The following NDNF variants were observed in gnomAD, a reference collection of about 807,000 sequenced individuals.
The protein encoded by NDNF is protein NDNF.
NDNF carries 16 observed loss-of-function variants against 42.0 expected under a neutral mutation model. That is an observed-to-expected ratio of 0.38 (90% confidence interval 0.26 to 0.58). The LOEUF (loss-of-function observed/expected upper bound fraction) is 0.58. Ranked by LOEUF, NDNF falls within the 20% of genes least tolerant of loss-of-function variation. The pLI, the probability that NDNF is intolerant of heterozygous loss-of-function variation, is 0.67. For missense variants in NDNF, 616 were observed against 666.2 expected, an observed-to-expected ratio of 0.92 and a Z score of 0.83; for synonymous variants, 248 against 251.7, an observed-to-expected ratio of 0.99 and a Z score of 0.14.
At chr4:121,061,694 T>C (rs942664400) in intron 1 of NDNF, among the ~76,000 whole-genome samples, 2 of 152,210 alleles carry the variant, frequency 1.3e-5, no homozygotes, top group African/African-American at 4.8e-5. Flanking sequence ...ATGTAATTTT[T>C]ATTATTTATT....
At chr4:121,068,247 T>C (rs952423816) in intron 1 of NDNF, among the ~76,000 whole-genome samples, 1 of 152,182 alleles carries the variant, frequency 6.6e-6, no homozygotes, top group Admixed American at 6.5e-5. Flanking sequence ...TCACGTAATG[T>C]TACATTTGTA....
chr4:121,052,608 G>A (rs1727218848), intron 1 of NDNF, among the ~76,000 whole-genome samples: 1 of 152,124 alleles, frequency 6.6e-6, no homozygotes, highest in Non-Finnish European at 1.5e-5. Flanking sequence ...TGGTCCAGGT[G>A]TAAGAAAAAA....
chr4:121,071,285 G>A (rs1213448854), intron 1 of NDNF: 2 of 152,184 alleles, frequency 1.3e-5, no homozygotes, highest in Non-Finnish European at 2.9e-5. Flanking sequence ...GAAAGTATGA[G>A]CCGGTCCCAG....
intron 1 of NDNF, chr4:121,061,391 G>C (rs992551004): frequency 6.5e-6 from 1 of 153,406 alleles, no homozygotes; most frequent in South Asian, 2.1e-4. Context: ...GGAAGGAAGG[G>C]GACACCCGCC....
chr4:121,043,764 G>A (rs1579311599), intron 2 of NDNF, among the ~76,000 whole-genome samples: 1 of 152,306 alleles, frequency 6.6e-6, no homozygotes. Flanking sequence ...CAGTGCCCAA[G>A]TGCATTTGGG....
intron 1 of NDNF, among the ~76,000 whole-genome samples, chr4:121,069,786 T>C (rs1029169472): frequency 2.6e-5 from 4 of 152,216 alleles, no homozygotes; most frequent in Non-Finnish European, 5.9e-5. Flanking sequence ...ATAGTACTAA[T>C]TTATCTAACT....
intron 1 of NDNF, among the ~76,000 whole-genome samples, chr4:121,059,950 A>G (rs912502156): frequency 2.6e-5 from 4 of 152,142 alleles, no homozygotes; most frequent in African/African-American, 2.4e-5. Context: ...TGAAACTCCC[A>G]AACTATGAAG....
chr4:121,045,561 A>G, intron 2 of NDNF, 89 bp downstream of exon 2: 1 of 1,139,826 alleles, frequency 8.8e-7, no homozygotes, highest in Non-Finnish European at 1.3e-6. Context: ...TGATTTGTAA[A>G]TTACCTAAAC....
At chr4:121,064,945 G>C (rs765764084) in intron 1 of NDNF, among the ~76,000 whole-genome samples, 3 of 152,044 alleles carry the variant, frequency 2.0e-5, no homozygotes, top group Admixed American at 6.5e-5. Context: ...TATTTTTAGA[G>C]ATGGGGTCTC....
intron 1 of NDNF, among the ~76,000 whole-genome samples, chr4:121,052,349 T>C (rs1727213103): frequency 6.6e-6 from 1 of 152,210 alleles, no homozygotes; most frequent in African/African-American, 2.4e-5. Flanking sequence ...GGATGGGCAT[T>C]CTGATTTACT....
Position 121,045,718 on chromosome 4 carries a change from A to G in NDNF, c.120T>C (p.Phe40=), listed in dbSNP as rs1321483685. 2 of 1,614,182 alleles carry G rather than the reference A, an allele frequency of 1.2e-6. No individual in the cohort carries two copies. Among genetic ancestry groups the G allele is most frequent in the Admixed American group, 3.3e-5 (2 of 60,030 alleles). The change falls in exon 2 of 4, where the codon TTT becomes TTC. Residue 40 remains phenylalanine, a synonymous_variant. Coordinates refer to ENST00000379692, the MANE Select transcript of NDNF (RefSeq NM_024574.4). Reference sequence around the variant, plus strand: ...CATCTGGAATTACTGACGAATCATGAAAAAATGCCTTGTCCCGGATCTGCA... The same window carrying G: ...CATCTGGAATTACTGACGAATCATGGAAAAATGCCTTGTCCCGGATCTGCA... ...FQMQIRDKAF[F]HDSSVIPDGA...
chr4:121,039,772 A>G (rs373638523), intron 3 of NDNF, among the ~76,000 whole-genome samples, 158 bp downstream of exon 3: 5 of 152,112 alleles, frequency 3.3e-5, no homozygotes, highest in Admixed American at 2.0e-4. Flanking sequence ...GTGTCATCTG[A>G]TGCCACCCTC....
At position 121,055,509 on chromosome 4, in the gene NDNF, AAT is replaced by A. The variant is rs1727277743; in HGVS notation, c.-1-9673_-1-9672del. ...AAAGGTGGAAGAAATGAGAGAAATA[AAT>A]TAGTTAAGCAGAATTTTCAGGTGGC... On this transcript the variant is annotated intron_variant, in intron 1 of 3. Transcript: ENST00000379692. Among the ~76,000 whole-genome samples, 8 of 152,290 alleles carry A rather than the reference AAT, an allele frequency of 5.3e-5. No homozygotes were observed. The South Asian group carries it at 1.7e-3, about 32-fold the overall frequency.
chr4:121,039,211 T>TGTATGTGTAG, intron 3 of NDNF, among the ~76,000 whole-genome samples: 1 of 52,890 alleles, frequency 1.9e-5, no homozygotes, highest in Non-Finnish European at 5.0e-5. Flanking sequence ...TATATATATA[T>TGTATGTGTAG]ATATATATAT....
In NDNF at chr4:121,067,077, G is replaced by A. The variant is rs181619454; in HGVS notation, c.-2+4916C>T. Among the ~76,000 whole-genome samples, 44 of 152,250 alleles carry A rather than the reference G, an allele frequency of 2.9e-4. No individual in the cohort carries two copies. In the East Asian group the frequency reaches 7.9e-3, roughly 27 times the overall value. On this transcript the variant is annotated intron_variant, in intron 1 of 3. Transcript: ENST00000379692. ...GGTTTTTATATTTAAAAGTCTCCAC[G>A]CTGTGGAGGCAGTGTCTAAGAGTTC...
intron 1 of NDNF, among the ~76,000 whole-genome samples, chr4:121,066,209 C>A (rs1173824160): frequency 6.6e-6 from 1 of 152,122 alleles, no homozygotes; most frequent in Non-Finnish European, 1.5e-5. Flanking sequence ...TTTCATAGCA[C>A]CCGAAGAACT....
At chr4:121,069,043 T>C (rs1727546576) in intron 1 of NDNF, among the ~76,000 whole-genome samples, 1 of 152,218 alleles carries the variant, frequency 6.6e-6, no homozygotes. Context: ...TTTTCTCCCC[T>C]TCATGTCAAA....
intron 1 of NDNF, among the ~76,000 whole-genome samples, chr4:121,053,452 C>A (rs1392888268): frequency 6.6e-6 from 1 of 151,946 alleles, no homozygotes; most frequent in African/African-American, 2.4e-5. Flanking sequence ...TCTTGTATTC[C>A]CATCAATATT....
Position 121,036,903 on chromosome 4 carries a change from T to C in NDNF, c.1068A>G (p.Lys356=), listed in dbSNP as rs1374872974. 1 of 1,614,018 alleles carries C rather than the reference T, an allele frequency of 6.2e-7. No homozygotes were observed. Among genetic ancestry groups the C allele is most frequent in the South Asian group, 1.1e-5 (1 of 91,076 alleles). ...ACCGTAGAAACTTTGCTCCCTTCCT[T>C]TTAACAAATACATCTGTTATCTTCC... ...KDGKITDVFV[K]RKGAKFLRFA... is the part of the protein sequence containing the mutation. The change falls in exon 4 of 4, where the codon AAA becomes AAG. Residue 356 remains lysine, a synonymous_variant. Transcript: ENST00000379692.
Sources: gnomAD v4.1 joint callset for allele counts (sites outside exome capture counted in the v4.1 genomes callset) on GRCh38, gnomAD v4.1.1 for gene constraint, MANE v1.5 for transcripts, NCBI Gene and HGNC (gene_info 2026-07-23, HGNC 2026-07-21) for gene names.